ZNF385D: variants seen among roughly 807,000 people sequenced by gnomAD.
ZNF385D encodes the protein zinc finger protein 659.
In ZNF385D, 15 loss-of-function variants were observed where a neutral mutation model predicts 35.8. That is an observed-to-expected ratio of 0.42 (90% confidence interval 0.28 to 0.64). ZNF385D has a LOEUF of 0.64. Among genes scored for constraint, ZNF385D ranks in the 30% least tolerant of loss-of-function variants. The pLI, the probability that ZNF385D is intolerant of heterozygous loss-of-function variation, is 0.23. For synonymous variants in ZNF385D, 212 were observed against 186.8 expected (o/e 1.13, Z -1.10); for missense variants, 474 against 494.6 (o/e 0.96, Z 0.39).
At chr3:22,223,334 T>C (rs1267321509) in intron 2 of ZNF385D, among the ~76,000 whole-genome samples, 1 of 152,174 alleles carries the variant, frequency 6.6e-6, no homozygotes, top group Non-Finnish European at 1.5e-5. Flanking sequence ...TTTTCATAAG[T>C]ATAGTAATGG....
chr3:22,296,634 G>A (rs1388270657), intron 2 of ZNF385D, among the ~76,000 whole-genome samples: 1 of 152,116 alleles, frequency 6.6e-6, no homozygotes, highest in Non-Finnish European at 1.5e-5. Context: ...GTTAGATACT[G>A]AAGGACCTTC....
chr3:22,121,221 G>A (rs1396589796), intron 3 of ZNF385D, among the ~76,000 whole-genome samples: 2 of 152,072 alleles, frequency 1.3e-5, no homozygotes, highest in East Asian at 3.9e-4. Context: ...TTAGCGATCT[G>A]TAAATAATTG....
chr3:21,534,127 G>GT (rs2061984326), intron 3 of ZNF385D, among the ~76,000 whole-genome samples: 1 of 142,348 alleles, frequency 7.0e-6, no homozygotes, highest in Non-Finnish European at 1.5e-5. Flanking sequence ...ACTCACAGAA[G>GT]TTAAAAAAAA....
chr3:22,037,194 C>A (rs957712200), intron 3 of ZNF385D, among the ~76,000 whole-genome samples: 39 of 150,866 alleles, frequency 2.6e-4, no homozygotes, highest in African/African-American at 9.0e-4. Context: ...GTCTTTATAG[C>A]AGCATGTTTT....
chr3:21,493,741 C>T (rs1705608917), intron 4 of ZNF385D, among the ~76,000 whole-genome samples: 1 of 151,882 alleles, frequency 6.6e-6, no homozygotes, highest in South Asian at 2.1e-4. Flanking sequence ...AGGATTACAG[C>T]TATGAGCCAC....
intron 3 of ZNF385D, among the ~76,000 whole-genome samples, chr3:21,807,991 C>G (rs1452559204): frequency 6.6e-6 from 1 of 152,120 alleles, no homozygotes; most frequent in African/African-American, 2.4e-5. Flanking sequence ...GCTCTAACCT[C>G]ATGTATGACC....
chr3:21,649,587 C>T (rs2065854091), intron 2 of ZNF385D, among the ~76,000 whole-genome samples: 1 of 151,926 alleles, frequency 6.6e-6, no homozygotes, highest in Admixed American at 6.6e-5. Context: ...CTCTTCAGAC[C>T]CAGAAGATAT....
intron 3 of ZNF385D, among the ~76,000 whole-genome samples, chr3:21,843,531 C>G (rs978583230): frequency 6.6e-6 from 1 of 151,902 alleles, no homozygotes; most frequent in African/African-American, 2.4e-5. Flanking sequence ...AAGGTTGGAA[C>G]AATTACTAAC....
Position 21,655,455 on chromosome 3 carries a change from C to T in ZNF385D, c.165+9431G>A, listed in dbSNP as rs527803864. On this transcript the variant is annotated intron_variant, in intron 2 of 7. Coordinates refer to ENST00000281523, the MANE Select transcript of ZNF385D (RefSeq NM_024697.3). ...AGCAGTGTATTTTTTAATTTATTAA[C>T]ATTTAAAGTTATTTATTCCCCTGAC... Among the ~76,000 whole-genome samples the T allele has an allele frequency of 2.0e-5, 3 of 152,040 alleles. No homozygotes were observed. The South Asian group carries it at 6.2e-4, about 32-fold the overall frequency.
At chr3:21,996,851 A>G (rs1175721499) in intron 3 of ZNF385D, among the ~76,000 whole-genome samples, 2 of 152,226 alleles carry the variant, frequency 1.3e-5, no homozygotes, top group African/African-American at 4.8e-5. Context: ...TTGGAAAAAG[A>G]GAAGCGATTA....
intron 1 of ZNF385D, among the ~76,000 whole-genome samples, chr3:21,739,044 C>T (rs141504926): frequency 2.0e-5 from 3 of 152,128 alleles, no homozygotes; most frequent in Admixed American, 6.5e-5. Flanking sequence ...CATATCTAGC[C>T]GACTAAATGC....
chr3:21,441,221 A>G (rs1355037352), intron 4 of ZNF385D, among the ~76,000 whole-genome samples: 2 of 152,138 alleles, frequency 1.3e-5, no homozygotes, highest in Non-Finnish European at 2.9e-5. Context: ...TGGGCACTCA[A>G]TAAATATTAA....
intron 1 of ZNF385D, among the ~76,000 whole-genome samples, chr3:21,720,973 C>T (rs2068516370): frequency 6.6e-6 from 1 of 152,228 alleles, no homozygotes; most frequent in African/African-American, 2.4e-5. Flanking sequence ...ACAGTATATG[C>T]CCATGTGCTA....
intron 3 of ZNF385D, among the ~76,000 whole-genome samples, chr3:22,083,455 A>G (rs893783788): frequency 1.3e-5 from 2 of 152,230 alleles, no homozygotes; most frequent in Non-Finnish European, 2.9e-5. Flanking sequence ...TCAGTAGCTG[A>G]TTCGATCAAC....
intron 1 of ZNF385D, among the ~76,000 whole-genome samples, chr3:21,741,994 G>A (rs1239593750): frequency 1.3e-5 from 2 of 152,160 alleles, no homozygotes; most frequent in Non-Finnish European, 2.9e-5. Context: ...TTCCCTCAAT[G>A]TCCTCAGAAA....
chr3:22,103,052 T>G (rs1314279006), intron 3 of ZNF385D, among the ~76,000 whole-genome samples: 1 of 151,460 alleles, frequency 6.6e-6, no homozygotes, highest in South Asian at 2.1e-4. Context: ...GCAACTAAAG[T>G]CAAGACTGAT....
chr3:22,084,527 A>C (rs947525589), intron 3 of ZNF385D, among the ~76,000 whole-genome samples: 7 of 152,210 alleles, frequency 4.6e-5, no homozygotes, highest in Non-Finnish European at 8.8e-5. Flanking sequence ...AGAAGAGCTA[A>C]CTATCCTAAA....
At chr3:21,717,489 C>A (rs146669752) in intron 1 of ZNF385D, among the ~76,000 whole-genome samples, 2 of 152,126 alleles carry the variant, frequency 1.3e-5, no homozygotes, top group Non-Finnish European at 1.5e-5. Flanking sequence ...TGTAATCTTG[C>A]CAAAATACAA....
chr3:21,633,500 C>A (rs1376272590), intron 2 of ZNF385D, among the ~76,000 whole-genome samples: 1 of 152,014 alleles, frequency 6.6e-6, no homozygotes, highest in Non-Finnish European at 1.5e-5. Context: ...ATACACATAT[C>A]TGTATTCAAC....
Sources: gnomAD v4.1 joint callset for allele counts (sites outside exome capture counted in the v4.1 genomes callset) on GRCh38, gnomAD v4.1.1 for gene constraint, MANE v1.5 for transcripts, NCBI Gene and HGNC (gene_info 2026-07-23, HGNC 2026-07-21) for gene names.